The following NRG2 variants were observed in gnomAD, a reference collection of about 807,000 sequenced individuals.
NRG2 encodes the protein neuregulin 2.
NRG2 carries 27 observed loss-of-function variants against 73.9 expected under a neutral mutation model. That is an observed-to-expected ratio of 0.37 (90% CI 0.27 to 0.50). The LOEUF is 0.50. Among genes scored for constraint, NRG2 ranks in the 20% least tolerant of loss-of-function variants. The probability of loss-of-function intolerance (pLI) is 0.96; values close to 1 mark genes in which losing one functional copy is unlikely to be tolerated. For missense variants in NRG2, 1,126 were observed against 1,210.1 expected, an observed-to-expected ratio of 0.93 and a Z score of 1.03; for synonymous variants, 532 against 541.0, an observed-to-expected ratio of 0.98 and a Z score of 0.23.
intron 1 of NRG2, among the ~76,000 whole-genome samples, chr5:139,979,729 G>A (rs1308247803): frequency 6.6e-6 from 1 of 152,222 alleles, no homozygotes; most frequent in Non-Finnish European, 1.5e-5. Context: ...ACATGAGTGA[G>A]CTTCAAAGCT....
intron 1 of NRG2, among the ~76,000 whole-genome samples, chr5:140,003,966 A>T (rs1350468952): frequency 6.6e-6 from 1 of 152,206 alleles, no homozygotes; most frequent in South Asian, 2.1e-4. Flanking sequence ...AGCCACCATT[A>T]TCTCTTGCCT....
chr5:139,956,267 T>C (rs544619716), intron 1 of NRG2, among the ~76,000 whole-genome samples: 2 of 152,186 alleles, frequency 1.3e-5, no homozygotes, highest in African/African-American at 4.8e-5. Context: ...GGCACCTGGA[T>C]AGTCAGGTCA....
intron 1 of NRG2, among the ~76,000 whole-genome samples, chr5:140,014,115 A>C (rs1322201490): frequency 6.6e-6 from 1 of 152,034 alleles, no homozygotes; most frequent in Non-Finnish European, 1.5e-5. Flanking sequence ...CTCTCCACTT[A>C]ACACATCCAC....
chr5:139,909,571 G>A (rs576190834), intron 1 of NRG2, among the ~76,000 whole-genome samples: 58 of 152,292 alleles, frequency 3.8e-4, no homozygotes, highest in African/African-American at 1.3e-3. Context: ...ATGTTTGCCC[G>A]TGAGTTAAAA....
chr5:139,939,240 CTT>C (rs1753185444), intron 1 of NRG2, among the ~76,000 whole-genome samples: 1 of 138,738 alleles, frequency 7.2e-6, no homozygotes, highest in African/African-American at 3.0e-5. Context: ...TCCTTCCTTC[CTT>C]CCTTTCTTTC....
At chr5:139,953,606 T>C (rs1387512060) in intron 1 of NRG2, among the ~76,000 whole-genome samples, 1 of 152,114 alleles carries the variant, frequency 6.6e-6, no homozygotes, top group Non-Finnish European at 1.5e-5. Context: ...CAGCCAGCGT[T>C]TTCTGGAACA....
intron 1 of NRG2, among the ~76,000 whole-genome samples, chr5:140,039,433 A>G (rs1761747808): frequency 6.6e-6 from 1 of 152,082 alleles, no homozygotes; most frequent in Admixed American, 6.6e-5. Context: ...ATTTTACTCA[A>G]CTCTATCACC....
chr5:139,871,903 A>G (rs1762879200), intron 3 of NRG2, 62 bp from the exon 4 acceptor site: 2 of 1,578,736 alleles, frequency 1.3e-6, no homozygotes, highest in Non-Finnish European at 1.7e-6. Flanking sequence ...CCCAGGAATC[A>G]TCTCCTTCAT....
Position 140,041,069 on chromosome 5 carries a change from C to T in NRG2, c.700+1301G>A, listed in dbSNP as rs114147424. The stretch of plus-strand genomic sequence containing the variant: ...GTGGGGGAGGAAAGCTTCCAAAAAT[C>T]ATAGGTATCGATCTAGAAAGATGAA... On this transcript the variant is annotated intron_variant, in intron 1 of 9. Transcript: ENST00000361474. Among the ~76,000 whole-genome samples the T allele has an allele frequency of 4.1e-3, 629 of 152,230 alleles. 5 individuals carry two copies. The highest frequency in any genetic ancestry group is 6.9e-3 in the Non-Finnish European group (469 of 68,022).
intron 1 of NRG2, among the ~76,000 whole-genome samples, chr5:139,978,148 G>C (rs1002434102): frequency 6.6e-6 from 1 of 151,936 alleles, no homozygotes; most frequent in Non-Finnish European, 1.5e-5. Context: ...ACCATCAGAG[G>C]GAACAGGCAA....
At chr5:139,959,836 G>T (rs1166266138) in intron 1 of NRG2, among the ~76,000 whole-genome samples, 1 of 152,210 alleles carries the variant, frequency 6.6e-6, no homozygotes, top group Non-Finnish European at 1.5e-5. Flanking sequence ...TGGAAGATGA[G>T]TGTGGCAGCG....
intron 1 of NRG2, among the ~76,000 whole-genome samples, chr5:139,944,438 T>A (rs570196615): frequency 6.6e-6 from 1 of 152,320 alleles, no homozygotes; most frequent in African/African-American, 2.4e-5. Flanking sequence ...TCTAGTATCC[T>A]CTGTTCTACT....
At chr5:139,956,821 G>A (rs556529746) in intron 1 of NRG2, among the ~76,000 whole-genome samples, 12 of 152,316 alleles carry the variant, frequency 7.9e-5, no homozygotes, top group Admixed American at 3.9e-4. Flanking sequence ...AGGGTCTGAG[G>A]CCAGGCCTCA....
Position 139,856,747 on chromosome 5 carries a change from C to T in NRG2, c.1190-969G>A, listed in dbSNP as rs1761831046. 6.6e-6 allele frequency among the ~76,000 whole-genome samples: 1 copy of T among 152,242 alleles called. No homozygotes were observed. The highest frequency in any genetic ancestry group is 1.9e-4 in the East Asian group (1 of 5,198). On this transcript the variant is annotated intron_variant, in intron 5 of 9. Transcript: ENST00000361474. The surrounding 1 kb of genome is among the most constrained non-coding windows in gnomAD (Gnocchi z 4.2). ...AAACCCTCCAGACACACAGAGATTTCTAACTATGCCTATCTGATTCACAGG... is the reference window on the plus strand; with the variant it reads ...AAACCCTCCAGACACACAGAGATTTTTAACTATGCCTATCTGATTCACAGG...
At chr5:139,889,008 G>A (rs1016807765) in intron 1 of NRG2, among the ~76,000 whole-genome samples, 5 of 152,044 alleles carry the variant, frequency 3.3e-5, no homozygotes, top group African/African-American at 9.7e-5. Flanking sequence ...TAACCCTTTC[G>A]CCTGGGTGTT....
intron 3 of NRG2, among the ~76,000 whole-genome samples, chr5:139,879,656 G>A (rs1763402328): frequency 6.6e-6 from 1 of 152,140 alleles, no homozygotes; most frequent in Admixed American, 6.5e-5. Context: ...TCTATGGGGT[G>A]GGGAACATGA....
chr5:139,906,344 C>A (rs748190849), intron 1 of NRG2, among the ~76,000 whole-genome samples: 11 of 152,054 alleles, frequency 7.2e-5, no homozygotes, highest in Non-Finnish European at 1.6e-4. Context: ...GATCACTTCA[C>A]TCATTGTAAC....
chr5:139,940,848 A>G (rs1444785128), intron 1 of NRG2, among the ~76,000 whole-genome samples: 1 of 152,190 alleles, frequency 6.6e-6, no homozygotes, highest in Non-Finnish European at 1.5e-5. Flanking sequence ...CATTTAAAAA[A>G]AAAGATGCTG....
chr5:139,853,065 C>A lies in NRG2; in HGVS notation c.1293-38G>T. On this transcript the variant is annotated intron_variant, in intron 6 of 9. Coordinates refer to ENST00000361474, the MANE Select transcript of NRG2 (RefSeq NM_004883.3). This position sits in a 1 kb window ranked among gnomAD's most constrained non-coding sequence, Gnocchi z 4.1. ...AGGGAAGGTGAGGCTGGCATTCCCC[C>A]CACTCGCCAACGATGAACTTCCCTA... The A allele has an allele frequency of 1.9e-6, 3 of 1,610,638 alleles. No homozygotes were observed. Among genetic ancestry groups the A allele is most frequent in the Non-Finnish European group, 2.5e-6 (3 of 1,178,840 alleles).
Sources: allele counts gnomAD v4.1 joint callset (sites outside exome capture counted in the v4.1 genomes callset), GRCh38; gene constraint gnomAD v4.1.1; non-coding constraint Gnocchi (gnomAD v3.1); transcripts MANE v1.5; gene names NCBI Gene and HGNC (gene_info 2026-07-23, HGNC 2026-07-21).